Variants in LHCGR observed in about 807,000 individuals in gnomAD.
The protein encoded by LHCGR is luteinizing hormone/choriogonadotropin receptor.
A neutral mutation model predicts 60.7 loss-of-function variants in LHCGR; 55 were observed. The observed-to-expected ratio is 0.91, with a 90% CI of 0.73 to 1.13. LHCGR has a LOEUF of 1.13. Among genes scored for constraint, LHCGR ranks in the 50% most tolerant of loss-of-function variants. The probability of loss-of-function intolerance (pLI) is 0.00; values close to 1 mark genes in which losing one functional copy is unlikely to be tolerated. For missense variants in LHCGR, 862 were observed against 836.0 expected (o/e 1.03, Z -0.38); for synonymous variants, 337 against 316.5 (o/e 1.06, Z -0.69).
rs898617335 is a variant in LHCGR at position 48,689,039 on chromosome 2, G to C, written c.948-190C>G. 3.9e-5 allele frequency among the ~76,000 whole-genome samples: 6 copies of C among 151,966 alleles called. No homozygotes were observed. In the East Asian group the frequency reaches 1.2e-3, roughly 29 times the overall value. ...GAGTACCTTAAGAAGGGAATGAAAA[G>C]CCATTTAGACTATATATACACACAC... On this transcript the variant is annotated intron_variant, in intron 10 of 10. Coordinates refer to ENST00000294954, the MANE Select transcript of LHCGR (RefSeq NM_000233.4).
chr2:48,708,775 T>G, intron 8 of LHCGR, 173 bp downstream of exon 8: 1 of 689,222 alleles, frequency 1.5e-6, no homozygotes, highest in Admixed American at 2.2e-5. Flanking sequence ...GCCTCTCGGT[T>G]TGGGGTACTT....
intron 1 of LHCGR, among the ~76,000 whole-genome samples, chr2:48,740,782 T>C (rs1168684553): frequency 1.3e-5 from 2 of 152,032 alleles, no homozygotes; most frequent in African/African-American, 2.4e-5. Context: ...AAAAGCAGAG[T>C]GCCTCTCCTC....
chr2:48,708,235 C>G (rs567617903), intron 8 of LHCGR, among the ~76,000 whole-genome samples: 1 of 152,284 alleles, frequency 6.6e-6, no homozygotes, highest in South Asian at 2.1e-4. Flanking sequence ...CTCAGAGAGT[C>G]TGACAGCAGC....
At chr2:48,707,434 C>A (rs982456291) in intron 8 of LHCGR, among the ~76,000 whole-genome samples, 2 of 152,344 alleles carry the variant, frequency 1.3e-5, no homozygotes, top group Non-Finnish European at 2.9e-5. Flanking sequence ...GCTGGGAGAA[C>A]CACTGCTCTC....
chr2:48,717,069 A>G (rs1013649779), intron 6 of LHCGR, among the ~76,000 whole-genome samples: 5 of 152,168 alleles, frequency 3.3e-5, no homozygotes, highest in African/African-American at 1.2e-4. Flanking sequence ...TCAGATGGTC[A>G]TTGGCTTGGA....
At chr2:48,735,848 C>G (rs945645972) in intron 1 of LHCGR, among the ~76,000 whole-genome samples, 1 of 152,106 alleles carries the variant, frequency 6.6e-6, no homozygotes, top group African/African-American at 2.4e-5. Flanking sequence ...ACCCAAATCT[C>G]GTGTCAAATT....
chr2:48,752,245 C>G (rs1669987298), intron 1 of LHCGR, among the ~76,000 whole-genome samples: 1 of 152,180 alleles, frequency 6.6e-6, no homozygotes, highest in Admixed American at 6.5e-5. Flanking sequence ...TGATAAGCAG[C>G]TATAATCCAT....
chr2:48,736,434 C>T (rs560010760), intron 1 of LHCGR, among the ~76,000 whole-genome samples: 29 of 152,282 alleles, frequency 1.9e-4, no homozygotes, highest in African/African-American at 6.7e-4. Flanking sequence ...TGTCAGAGTC[C>T]AGTGACAGGA....
At chr2:48,699,302 C>G (rs145243088) in intron 8 of LHCGR, among the ~76,000 whole-genome samples, 1 of 152,200 alleles carries the variant, frequency 6.6e-6, no homozygotes, top group East Asian at 1.9e-4. Flanking sequence ...CCTCATTATT[C>G]TTTTCAAGGT....
chr2:48,745,341 A>G (rs537062102), intron 1 of LHCGR, among the ~76,000 whole-genome samples: 1 of 152,220 alleles, frequency 6.6e-6, no homozygotes, highest in Admixed American at 6.5e-5. Context: ...CCATCCCATT[A>G]CTGGGTATAT....
chr2:48,691,203 G>A (rs766655101), intron 10 of LHCGR, among the ~76,000 whole-genome samples: 3 of 152,196 alleles, frequency 2.0e-5, no homozygotes, highest in East Asian at 1.9e-4. Flanking sequence ...CTCTGCTTTC[G>A]AAAGCTAACT....
intron 8 of LHCGR, among the ~76,000 whole-genome samples, chr2:48,705,424 A>T (rs1667615349): frequency 6.6e-6 from 1 of 152,214 alleles, no homozygotes; most frequent in Non-Finnish European, 1.5e-5. Flanking sequence ...TCCATAGCTG[A>T]GTTCAAGTCC....
intron 1 of LHCGR, among the ~76,000 whole-genome samples, chr2:48,733,570 AAG>A (rs1669096380): frequency 6.6e-6 from 1 of 152,126 alleles, no homozygotes; most frequent in Admixed American, 6.5e-5. Context: ...TCCCCTATAA[AAG>A]AGACACCAAG....
At chr2:48,694,672 G>C (rs1251988025) in intron 9 of LHCGR, among the ~76,000 whole-genome samples, 5 of 152,132 alleles carry the variant, frequency 3.3e-5, no homozygotes, top group African/African-American at 1.2e-4. Flanking sequence ...TTAACAAATA[G>C]TCATTCTGTG....
In LHCGR at chr2:48,707,995, G is replaced by A. The variant is rs575567283; in HGVS notation, c.680+953C>T. On this transcript the variant is annotated intron_variant, in intron 8 of 10. Coordinates refer to ENST00000294954, the MANE Select transcript of LHCGR (RefSeq NM_000233.4). Reference sequence around the variant, plus strand: ...CCTTGTGCTCCCTGGGTGAGGTGACGCCCTGCCCTGCTTCAGCTGGCCCTC... The same window carrying A: ...CCTTGTGCTCCCTGGGTGAGGTGACACCCTGCCCTGCTTCAGCTGGCCCTC... Among the ~76,000 whole-genome samples, 262 of 152,212 alleles carry A rather than the reference G, an allele frequency of 1.7e-3. 2 individuals are homozygous for A. Among genetic ancestry groups the A allele is most frequent in the African/African-American group, 5.9e-3 (247 of 41,518 alleles).
chr2:48,732,736 C>G (rs191251070), intron 1 of LHCGR, among the ~76,000 whole-genome samples: 23 of 152,280 alleles, frequency 1.5e-4, no homozygotes, highest in African/African-American at 5.1e-4. Context: ...CACATTCGCT[C>G]TATTTCTTCT....
chr2:48,754,379 C>G (rs1230545981), intron 1 of LHCGR, among the ~76,000 whole-genome samples: 2 of 151,992 alleles, frequency 1.3e-5, no homozygotes, highest in African/African-American at 4.8e-5. Flanking sequence ...AGAATTCCAT[C>G]ATCTCTAATT....
chr2:48,690,814 C>G (rs191082936), intron 10 of LHCGR, among the ~76,000 whole-genome samples: 1 of 152,220 alleles, frequency 6.6e-6, no homozygotes, highest in Non-Finnish European at 1.5e-5. Flanking sequence ...TGATGCATGT[C>G]TATCTTCTTT....
chr2:48,721,901 C>T (rs992023541), intron 6 of LHCGR: 1 of 411,264 alleles, frequency 2.4e-6, no homozygotes, highest in African/African-American at 2.1e-5. Context: ...CCTGTTTTCC[C>T]AGCACTTTGG....
Sources: gnomAD v4.1 joint callset for allele counts (sites outside exome capture counted in the v4.1 genomes callset) on GRCh38, gnomAD v4.1.1 for gene constraint, MANE v1.5 for transcripts, NCBI Gene and HGNC (gene_info 2026-07-23, HGNC 2026-07-21) for gene names.